The following ITPR2 variants were observed in gnomAD, a reference collection of about 807,000 sequenced individuals.
ITPR2 encodes the protein inositol 1,4,5-trisphosphate receptor type 2, also known as inositol 1,4,5-trisphosphate-gated calcium channel ITPR2.
In ITPR2, 207 loss-of-function variants were observed where a neutral mutation model predicts 317.1. That is an observed-to-expected ratio of 0.65 (90% CI 0.58 to 0.73). ITPR2 has a LOEUF of 0.73. Ranked by LOEUF, ITPR2 falls within the 30% of genes least tolerant of loss-of-function variation. The probability of loss-of-function intolerance (pLI) is 0.00; values close to 1 mark genes in which losing one functional copy is unlikely to be tolerated. For missense variants in ITPR2, 2,613 were observed against 3,284.0 expected (o/e 0.80, Z 4.99); for synonymous variants, 1,156 against 1,149.1 (o/e 1.01, Z -0.12).
chr12:26,477,587 A>G (rs1942448667), intron 43 of ITPR2, among the ~76,000 whole-genome samples: 1 of 152,136 alleles, frequency 6.6e-6, no homozygotes, highest in African/African-American at 2.4e-5. Flanking sequence ...GCGATATGCA[A>G]CTTTGTTTAC....
chr12:26,761,135 ACCAAGGCTTCAGGC>A (rs1469771832), intron 2 of ITPR2, among the ~76,000 whole-genome samples: 1 of 152,086 alleles, frequency 6.6e-6, no homozygotes, highest in Admixed American at 6.5e-5. Flanking sequence ...AGCCCAGTGG[ACCAAGGCTTCAGGC>A]CCAACCCCAT....
At chr12:26,768,571 T>TAAAAAAAAA (rs879291062) in intron 2 of ITPR2, among the ~76,000 whole-genome samples, 3 of 96,154 alleles carry the variant, frequency 3.1e-5, no homozygotes, top group Admixed American at 1.2e-4. Flanking sequence ...CAAATATATA[T>TAAAAAAAAA]AAAAAAAAAA....
chr12:26,670,422 T>C (rs1293298048), intron 13 of ITPR2, among the ~76,000 whole-genome samples: 2 of 152,204 alleles, frequency 1.3e-5, no homozygotes, highest in African/African-American at 4.8e-5. Context: ...ACACCGCTGC[T>C]GATACCCAGG....
intron 10 of ITPR2, among the ~76,000 whole-genome samples, chr12:26,695,351 T>C (rs965649361): frequency 6.6e-6 from 1 of 152,124 alleles, no homozygotes; most frequent in African/African-American, 2.4e-5. Flanking sequence ...AGACCCACCA[T>C]ATCTCTCAGA....
At chr12:26,755,073 G>C (rs59067183) in intron 2 of ITPR2, among the ~76,000 whole-genome samples, 1 of 152,100 alleles carries the variant, frequency 6.6e-6, no homozygotes, top group Non-Finnish European at 1.5e-5. Flanking sequence ...TGTGTTTTTG[G>C]TATATGTTCC....
At chr12:26,436,156 G>A (rs1166244783) in intron 48 of ITPR2, 65 bp downstream of exon 48, 4 of 1,371,942 alleles carry the variant, frequency 2.9e-6, no homozygotes, top group Non-Finnish European at 2.9e-6. Flanking sequence ...TTCTTATTTT[G>A]AAGCTTTAAA....
At chr12:26,723,396 G>A (rs1592071203) in intron 4 of ITPR2, among the ~76,000 whole-genome samples, 1 of 152,216 alleles carries the variant, frequency 6.6e-6, no homozygotes, top group East Asian at 1.9e-4. Flanking sequence ...GATCCACCAT[G>A]TTCAAGAACA....
chr12:26,822,489 T>G (rs779479696), intron 1 of ITPR2, among the ~76,000 whole-genome samples: 4 of 150,998 alleles, frequency 2.6e-5, no homozygotes, highest in Non-Finnish European at 5.9e-5. Flanking sequence ...AAATAGTTCT[T>G]AATAGTTCAT....
chr12:26,505,355 T>C (rs1411763380), intron 37 of ITPR2, among the ~76,000 whole-genome samples: 1 of 152,172 alleles, frequency 6.6e-6, no homozygotes, highest in Non-Finnish European at 1.5e-5. Context: ...ATCCACATCT[T>C]CCTTCTGCCA....
intron 26 of ITPR2, among the ~76,000 whole-genome samples, chr12:26,616,491 A>G (rs1946377596): frequency 6.6e-6 from 1 of 152,216 alleles, no homozygotes; most frequent in South Asian, 2.1e-4. Flanking sequence ...AAGAACTCAC[A>G]ATGGAAAAAT....
intron 37 of ITPR2, among the ~76,000 whole-genome samples, chr12:26,506,536 A>G (rs1219750514): frequency 6.6e-6 from 1 of 151,710 alleles, no homozygotes; most frequent in African/African-American, 2.4e-5. Context: ...AAAAAAAAAA[A>G]AAAAAAAATT....
rs1555157746 is a variant in ITPR2 at position 26,567,988 on chromosome 12, A to ATATAT, written c.4631-6041_4631-6037dup. On this transcript the variant is annotated intron_variant, in intron 34 of 56. Coordinates refer to ENST00000381340, the MANE Select transcript of ITPR2 (RefSeq NM_002223.4). ...TATATATTATATATATTATATATAT[A>ATATAT]TATATATATTATATATATTATATAT... is the stretch of plus-strand genomic sequence containing the variant. Among the ~76,000 whole-genome samples the ATATAT allele has an allele frequency of 2.1e-4, 23 of 111,856 alleles. 1 individual carries two copies. The highest frequency in any genetic ancestry group is 1.2e-3 in the East Asian group (4 of 3,340). 73.4% of individuals were successfully genotyped at this position (111,856 alleles called of 152,430 possible). A position where few individuals can be genotyped will look rare whatever the true frequency, so the allele number is the denominator to read the frequency against.
chr12:26,369,394 A>G (rs1302709856), intron 55 of ITPR2, among the ~76,000 whole-genome samples: 5 of 152,226 alleles, frequency 3.3e-5, no homozygotes, highest in African/African-American at 1.2e-4. Context: ...GTTGAAGGCT[A>G]TCTGAATTAG....
intron 37 of ITPR2, among the ~76,000 whole-genome samples, chr12:26,531,593 A>G (rs1313416674): frequency 6.6e-6 from 1 of 152,068 alleles, no homozygotes; most frequent in Non-Finnish European, 1.5e-5. Flanking sequence ...TTAAAAGGTG[A>G]TATTTTCTCA....
intron 45 of ITPR2, among the ~76,000 whole-genome samples, chr12:26,463,254 T>C (rs1942087258): frequency 6.6e-6 from 1 of 152,206 alleles, no homozygotes; most frequent in African/African-American, 2.4e-5. Flanking sequence ...ATAACATTGC[T>C]TTGGGGTTAG....
chr12:26,751,417 C>T (rs1232613685), intron 2 of ITPR2, among the ~76,000 whole-genome samples: 2 of 152,134 alleles, frequency 1.3e-5, no homozygotes, highest in African/African-American at 4.8e-5. Flanking sequence ...ATAAACAGGA[C>T]TAATCTCAAA....
At chr12:26,821,263 G>A (rs1171811021) in intron 1 of ITPR2, among the ~76,000 whole-genome samples, 1 of 152,202 alleles carries the variant, frequency 6.6e-6, no homozygotes, top group Non-Finnish European at 1.5e-5. Context: ...CACTGCCCCA[G>A]CAGCAGGCAG....
intron 22 of ITPR2, among the ~76,000 whole-genome samples, chr12:26,628,779 C>T (rs960784532): frequency 2.0e-5 from 3 of 152,122 alleles, no homozygotes; most frequent in Non-Finnish European, 4.4e-5. Context: ...GGAATGCAAA[C>T]ACGTGAAGCC....
intron 55 of ITPR2, among the ~76,000 whole-genome samples, chr12:26,361,084 G>A (rs376654353): frequency 2.6e-5 from 4 of 151,830 alleles, no homozygotes; most frequent in East Asian, 1.9e-4. Context: ...GCATGGTAGC[G>A]AGCGCCTGTA....
Sources: gnomAD v4.1 joint callset for allele counts (sites outside exome capture counted in the v4.1 genomes callset) on GRCh38, gnomAD v4.1.1 for gene constraint, MANE v1.5 for transcripts, NCBI Gene and HGNC (gene_info 2026-07-23, HGNC 2026-07-21) for gene names.